The following NPHS1 variants were observed in gnomAD, a reference collection of about 807,000 sequenced individuals.
NPHS1 encodes NPHS1 adhesion molecule, nephrin, also known as nephrin.
Under a neutral mutation model 139.7 loss-of-function variants are expected in NPHS1, and 107 were observed. The observed-to-expected ratio is 0.77, with a 90% CI of 0.66 to 0.90. NPHS1 has a LOEUF of 0.90. NPHS1 is among the 40% of genes least tolerant of loss of function. The probability of loss-of-function intolerance (pLI) is 0.00; values close to 1 mark genes in which losing one functional copy is unlikely to be tolerated. For missense variants in NPHS1, 1,580 were observed against 1,654.2 expected (o/e 0.96, Z 0.78); for synonymous variants, 707 against 706.6 (o/e 1.00, Z -0.01).
chr19:35,834,198 C>A (rs959591281), intron 23 of NPHS1, among the ~76,000 whole-genome samples: 1 of 152,126 alleles, frequency 6.6e-6, no homozygotes, highest in Non-Finnish European at 1.5e-5. Flanking sequence ...ACAACTATGA[C>A]GGAATCAGCT....
intron 27 of NPHS1, 31 bp from the exon 28 acceptor site, chr19:35,830,987 A>G: frequency 6.2e-7 from 1 of 1,604,064 alleles, no homozygotes; most frequent in Non-Finnish European, 8.5e-7. Context: ...AGACACGATC[A>G]AGGCACCCAG....
chr19:35,840,495 C>T (rs1370499381), intron 20 of NPHS1, among the ~76,000 whole-genome samples: 2 of 150,566 alleles, frequency 1.3e-5, no homozygotes, highest in African/African-American at 2.4e-5. Context: ...CCACCATGCC[C>T]GGCTAATTTT....
chr19:35,826,397 AC>A lies in NPHS1; in HGVS notation c.*116del, dbSNP rs2146803072. 5.6e-6 allele frequency: 7 copies of A among 1,239,184 alleles called. No homozygotes were observed. The East Asian group carries it at 1.7e-4, about 29-fold the overall frequency. The allele number at this position is 1,239,184 out of a possible 1,614,324, so 76.8% of individuals were successfully genotyped here. ...AGCCCCCTCCATGTCCTCTCCTGAC[AC>A]CAAGTCCCTTTGGGTTTTATGGAGC... On this transcript the variant is annotated 3_prime_UTR_variant, in exon 29 of 29. Transcript: ENST00000378910.
Position 35,848,542 on chromosome 19 carries a change from GC to G in NPHS1, c.1170+94del, listed in dbSNP as rs968200114. The G allele has an allele frequency of 2.2e-5, 34 of 1,580,548 alleles. No individual in the cohort carries two copies. In the East Asian group the frequency reaches 4.5e-4, roughly 21 times the overall value. ...TGGACCCATGGTCCTCAAGGAGAAA[GC>G]CCCCCAGGCTGCTGGACCCACCCCT... On this transcript the variant is annotated intron_variant, in intron 9 of 28. Coordinates refer to ENST00000378910, the MANE Select transcript of NPHS1 (RefSeq NM_004646.4).
rs1293346007 is a variant in NPHS1, at chr19:35,851,842, G to T, written c.-5C>A. On this transcript the variant is annotated 5_prime_UTR_variant, in exon 1 of 29. The change creates a new upstream start codon in the 5' untranslated region. Coordinates refer to ENST00000378910, the MANE Select transcript of NPHS1 (RefSeq NM_004646.4). Reference sequence around the variant, plus strand: ...GAGCGTCGTCCCCAGGGCCATCACAGGTCCCCCTACTGTGACCCCCACAGC... The same window carrying T: ...GAGCGTCGTCCCCAGGGCCATCACATGTCCCCCTACTGTGACCCCCACAGC... 2 of 1,550,940 alleles carry T rather than the reference G, an allele frequency of 1.3e-6. No homozygotes were observed. Among genetic ancestry groups the T allele is most frequent in the Non-Finnish European group, 1.7e-6 (2 of 1,146,972 alleles).
intron 8 of NPHS1, 74 bp downstream of exon 8, chr19:35,848,902 C>T (rs1186652841): frequency 6.2e-7 from 1 of 1,610,204 alleles, no homozygotes; most frequent in Non-Finnish European, 8.5e-7. Context: ...ATCCAGTAGG[C>T]ATAATTTGGG....
chr19:35,839,434 A>C lies in NPHS1; in HGVS notation c.2928-16T>G. 3 of 1,613,850 alleles carry C rather than the reference A, an allele frequency of 1.9e-6. No individual in the cohort carries two copies. The highest frequency in any genetic ancestry group is 2.5e-6 in the Non-Finnish European group (3 of 1,179,878). ...GGCCTCATACCTGCAGGACAGGGGG[A>C]TAGTAAATTCAGGGAAGTGCCCTAG... On this transcript the variant is annotated splice_polypyrimidine_tract_variant and intron_variant, in intron 21 of 28. Coordinates refer to ENST00000378910, the MANE Select transcript of NPHS1 (RefSeq NM_004646.4).
Position 35,842,488 on chromosome 19 carries a change from C to T in NPHS1, c.2397G>A (p.Gly799=), listed in dbSNP as rs1266355308. 1.2e-6 allele frequency: 2 copies of T among 1,614,104 alleles called. No homozygotes were observed. The highest frequency in any genetic ancestry group is 3.3e-5 in the Admixed American group (2 of 60,022). ...DMEKISRGPT[G]RLRIHHAKLA... Reference sequence around the variant, plus strand: ...GTTTGGCATGGTGAATCCGCAGGCGCCCCGTTGGTCCCCTGGATATCTTCT... The same window carrying T: ...GTTTGGCATGGTGAATCCGCAGGCGTCCCGTTGGTCCCCTGGATATCTTCT... Residue 799 remains glycine (G), a synonymous_variant, in exon 18 of 29, where the codon GGG becomes GGA. Coordinates refer to ENST00000378910, the MANE Select transcript of NPHS1 (RefSeq NM_004646.4).
intron 28 of NPHS1, among the ~76,000 whole-genome samples, chr19:35,829,453 A>C (rs375078238): frequency 1.3e-5 from 2 of 152,162 alleles, no homozygotes; most frequent in South Asian, 4.2e-4. Context: ...GGCAGCCTCA[A>C]CTTCCCTGGC....
At chr19:35,850,291 G>T in intron 5 of NPHS1, 73 bp downstream of exon 5, 2 of 1,178,928 alleles carry the variant, frequency 1.7e-6, no homozygotes, top group Non-Finnish European at 2.5e-6. Flanking sequence ...CTTCATGCTT[G>T]CATCCCTGGG....
intron 11 of NPHS1, 66 bp downstream of exon 11, chr19:35,847,975 G>A: frequency 1.3e-6 from 2 of 1,538,782 alleles, no homozygotes; most frequent in East Asian, 2.3e-5. Context: ...GATTCTGAAG[G>A]AGAGAAGGGG....
intron 11 of NPHS1, chr19:35,847,825 T>C: frequency 1.9e-6 from 1 of 524,286 alleles, no homozygotes; most frequent in Middle Eastern, 5.1e-4. Context: ...ATTTTTATCC[T>C]AAAATTCTCA....
intron 24 of NPHS1, 35 bp downstream of exon 24, chr19:35,831,608 G>A: frequency 1.2e-6 from 2 of 1,612,758 alleles, no homozygotes; most frequent in Non-Finnish European, 1.7e-6. Flanking sequence ...ATCACCCTCG[G>A]GTCTCCACCC....
At chr19:35,841,438 G>C (rs1392658306) in intron 20 of NPHS1, among the ~76,000 whole-genome samples, 1 of 152,082 alleles carries the variant, frequency 6.6e-6, no homozygotes, top group African/African-American at 2.4e-5. Flanking sequence ...GCTGAACCTA[G>C]ATCCAGAAAC....
intron 11 of NPHS1, among the ~76,000 whole-genome samples, 174 bp from the exon 12 acceptor site, chr19:35,846,368 A>C (rs1293269477): frequency 6.6e-6 from 1 of 152,196 alleles, no homozygotes; most frequent in African/African-American, 2.4e-5. Context: ...GGGGAGTGGA[A>C]CTGAGTGACC....
At chr19:35,836,959 G>T (rs1972969858) in intron 22 of NPHS1, among the ~76,000 whole-genome samples, 1 of 143,824 alleles carries the variant, frequency 7.0e-6, no homozygotes, top group Non-Finnish European at 1.5e-5. Context: ...TCATGCCACT[G>T]TACTCCAGCC....
rs1403981511 is a variant in NPHS1 at position 35,846,145 on chromosome 19, A to G, written c.1490T>C (p.Val497Ala). 1.3e-6 allele frequency: 2 copies of G among 1,596,634 alleles called. No individual in the cohort carries two copies. Among genetic ancestry groups the G allele is most frequent in the Admixed American group, 1.7e-5 (1 of 57,262 alleles). Residue 497 changes from valine to alanine, a missense_variant, in exon 12 of 29, where the codon GTG (valine) becomes GCG (alanine). By Grantham distance (64) the Val-to-Ala change is moderately conservative. Transcript: ENST00000378910. ...ESRLPQESRR[V>A]HLGSVEKSGS... ...AGATTTCTCCACGCTGCCGAGATGC[A>G]CGCGCCGCGACTCCTGCGGCAGCCG...
In NPHS1 at chr19:35,845,079, G is replaced by A. The variant is rs556029952; in HGVS notation, c.1930+289C>T. Among the ~76,000 whole-genome samples, 3 of 152,288 alleles carry A rather than the reference G, an allele frequency of 2.0e-5. No individual in the cohort carries two copies. Among genetic ancestry groups the A allele is most frequent in the Admixed American group, 2.0e-4 (3 of 15,292 alleles). ...GCCCAGGGGTTCAAGACCAGCCTGG[G>A]CAACATAGTGAGACCCCGTTGCTAC... On this transcript the variant is annotated intron_variant, in intron 14 of 28. Transcript: ENST00000378910. This position sits in a 1 kb window ranked among gnomAD's most constrained non-coding sequence, Gnocchi z 5.5.
Position 35,848,768 on chromosome 19 carries a change from C to G in NPHS1, c.1039G>C (p.Gly347Arg). Residue 347 changes from glycine (G) to arginine (R), a missense_variant, in exon 9 of 29, where the codon GGA becomes CGA. Coordinates refer to ENST00000378910, the MANE Select transcript of NPHS1 (RefSeq NM_004646.4). ...TTGTTCTCAGTCTGGGATGCAGATC[C>G]CAAGATAATAATGGCACTAGGGGGA... ...TFPPSAIIIL[G>R]SASQTENKNV... The G allele has an allele frequency of 6.2e-7, 1 of 1,614,120 alleles. No homozygotes were observed. Among genetic ancestry groups the G allele is most frequent in the South Asian group, 1.1e-5 (1 of 91,070 alleles).
Sources: allele counts gnomAD v4.1 joint callset (sites outside exome capture counted in the v4.1 genomes callset), GRCh38; gene constraint gnomAD v4.1.1; non-coding constraint Gnocchi (gnomAD v3.1); transcripts MANE v1.5; gene names NCBI Gene and HGNC (gene_info 2026-07-23, HGNC 2026-07-21).